HMCN1: variants seen among roughly 807,000 people sequenced by gnomAD.
HMCN1 encodes the protein hemicentin-1.
Under a neutral mutation model 625.9 loss-of-function variants are expected in HMCN1, and 321 were observed. The ratio of observed to expected loss-of-function variants is 0.51; its 90% CI spans 0.47 to 0.56. The LOEUF (loss-of-function observed/expected upper bound fraction) is 0.56. Ranked by LOEUF, HMCN1 falls within the 20% of genes least tolerant of loss-of-function variation. The pLI is 0.00. For missense variants in HMCN1, 6,588 were observed against 6,887.3 expected (o/e 0.96, Z 1.54); for synonymous variants, 2,425 against 2,417.6 (o/e 1.00, Z -0.09).
chr1:185,980,065 C>T (rs1159331126), intron 16 of HMCN1, among the ~76,000 whole-genome samples: 1 of 152,082 alleles, frequency 6.6e-6, no homozygotes, highest in African/African-American at 2.4e-5. Context: ...TTTGTAATAT[C>T]ATTTTATTAT....
intron 22 of HMCN1, among the ~76,000 whole-genome samples, chr1:185,990,731 A>G (rs960048312): frequency 6.6e-6 from 1 of 152,220 alleles, no homozygotes; most frequent in African/African-American, 2.4e-5. Flanking sequence ...TGTTAGCCCA[A>G]TGTGTAAGCA....
chr1:186,089,316 G>T (rs1403229111), intron 63 of HMCN1, among the ~76,000 whole-genome samples: 1 of 151,930 alleles, frequency 6.6e-6, no homozygotes, highest in Non-Finnish European at 1.5e-5. Flanking sequence ...ATTACATTTG[G>T]CTCAGTATTG....
At chr1:185,941,195 T>C (rs1186651559) in intron 11 of HMCN1, among the ~76,000 whole-genome samples, 2 of 152,174 alleles carry the variant, frequency 1.3e-5, no homozygotes, top group African/African-American at 2.4e-5. Flanking sequence ...TATTTAAAAA[T>C]GGTAAGTTCA....
At chr1:185,784,053 C>A (rs551336769) in intron 1 of HMCN1, among the ~76,000 whole-genome samples, 1 of 152,174 alleles carries the variant, frequency 6.6e-6, no homozygotes, top group Non-Finnish European at 1.5e-5. Flanking sequence ...TCAGCAATGG[C>A]GGTCGCCCCT....
chr1:186,123,916 A>G (rs1457987975), intron 81 of HMCN1, among the ~76,000 whole-genome samples: 1 of 152,056 alleles, frequency 6.6e-6, no homozygotes, highest in African/African-American at 2.4e-5. Flanking sequence ...TTTCAAGTGT[A>G]TTTTAATTTT....
chr1:185,743,997 T>G (rs1368590210), intron 1 of HMCN1, among the ~76,000 whole-genome samples: 2 of 142,970 alleles, frequency 1.4e-5, no homozygotes, highest in Non-Finnish European at 3.1e-5. Flanking sequence ...TTTTTTTTTT[T>G]TTTTTTTTTG....
chr1:186,130,890 A>G (rs560000066), intron 85 of HMCN1, among the ~76,000 whole-genome samples, 193 bp downstream of exon 85: 1 of 152,354 alleles, frequency 6.6e-6, no homozygotes, highest in East Asian at 1.9e-4. Flanking sequence ...GTGCAGTGAG[A>G]TAATGTGGCT....
At chr1:185,986,387 C>T (rs749816122) in intron 19 of HMCN1, among the ~76,000 whole-genome samples, 24 of 152,090 alleles carry the variant, frequency 1.6e-4, no homozygotes, top group Non-Finnish European at 2.9e-4. Context: ...CAGTTCCAGT[C>T]TCATCTTTCC....
intron 1 of HMCN1, among the ~76,000 whole-genome samples, chr1:185,758,997 T>C (rs1289318741): frequency 1.3e-5 from 2 of 152,210 alleles, no homozygotes; most frequent in Non-Finnish European, 2.9e-5. Flanking sequence ...CTTGGAACTA[T>C]ATTAATAGAT....
intron 25 of HMCN1, among the ~76,000 whole-genome samples, chr1:185,999,188 A>G (rs558968413): frequency 1.3e-5 from 2 of 152,026 alleles, no homozygotes; most frequent in Non-Finnish European, 2.9e-5. Context: ...CATTTAATAC[A>G]GGATTATTAA....
At position 186,076,292 on chromosome 1, in the gene HMCN1, G is replaced by C. The variant is rs1047998615; in HGVS notation, c.8291-136G>C. 3.4e-6 allele frequency: 3 copies of C among 871,048 alleles called. No individual in the cohort carries two copies. The African/African-American group carries it at 5.0e-5, about 15-fold the overall frequency. 54.0% of individuals were successfully genotyped at this position (871,048 alleles called of 1,614,324 possible). On this transcript the variant is annotated intron_variant, in intron 53 of 106. Coordinates refer to ENST00000271588, the MANE Select transcript of HMCN1 (RefSeq NM_031935.3). ...CTTTTTTGGCTAAGGGCTAGAGTTG[G>C]TGGTGGCGTCAGTACTTGAAATTAT...
intron 42 of HMCN1, among the ~76,000 whole-genome samples, chr1:186,049,623 AAACTTAT>A (rs1335510809): frequency 7.2e-5 from 11 of 152,062 alleles, no homozygotes; most frequent in Admixed American, 5.9e-4. Context: ...ATACTTTAAA[AAACTTAT>A]AACTTAATAA....
intron 71 of HMCN1, among the ~76,000 whole-genome samples, chr1:186,111,723 TA>T (rs1660897968): frequency 6.6e-6 from 1 of 152,210 alleles, no homozygotes; most frequent in Non-Finnish European, 1.5e-5. Context: ...AAAAATAAAA[TA>T]TTTTTTATAG....
intron 68 of HMCN1, among the ~76,000 whole-genome samples, chr1:186,098,188 C>A (rs561927801): frequency 6.6e-6 from 1 of 151,904 alleles, no homozygotes; most frequent in Admixed American, 6.6e-5. Context: ...GCAACAAAAG[C>A]AAAAATAGAC....
At chr1:185,910,619 G>A (rs1666359598) in intron 5 of HMCN1, among the ~76,000 whole-genome samples, 1 of 146,702 alleles carries the variant, frequency 6.8e-6, no homozygotes, top group Non-Finnish European at 1.5e-5. Context: ...CACCCAGGCT[G>A]AAGTGCAGTA....
chr1:186,190,135 C>A lies in HMCN1; in HGVS notation c.*257C>A. ...GAGCAGTTACTTCCCAAAGATTATT[C>A]TGAACATCTAACAGGACATATCAGT... On this transcript the variant is annotated 3_prime_UTR_variant, in exon 107 of 107. Coordinates refer to ENST00000271588, the MANE Select transcript of HMCN1 (RefSeq NM_031935.3). 1.9e-6 allele frequency: 1 copy of A among 528,578 alleles called. No individual in the cohort carries two copies. Among genetic ancestry groups the A allele is most frequent in the Non-Finnish European group, 3.4e-6 (1 of 292,042 alleles). The allele number at this position is 528,578 out of a possible 1,614,324, so 32.7% of individuals were successfully genotyped here. A position where few individuals can be genotyped will look rare whatever the true frequency, so the allele number is the denominator to read the frequency against.
At chr1:186,000,273 T>C (rs1653090410) in intron 26 of HMCN1, 34 bp downstream of exon 26, 1 of 1,486,382 alleles carries the variant, frequency 6.7e-7, no homozygotes, top group Non-Finnish European at 9.4e-7. Context: ...ACTGACTGTT[T>C]GCCAGTCTCC....
intron 45 of HMCN1, among the ~76,000 whole-genome samples, chr1:186,056,740 A>G (rs557047334): frequency 2.0e-5 from 3 of 152,060 alleles, no homozygotes; most frequent in South Asian, 2.1e-4. Context: ...ACTGGGGACT[A>G]CTGAAGGGGA....
At chr1:186,052,083 G>C (rs1401532780) in intron 42 of HMCN1, among the ~76,000 whole-genome samples, 1 of 151,732 alleles carries the variant, frequency 6.6e-6, no homozygotes, top group Non-Finnish European at 1.5e-5. Context: ...AAAAGTGTAA[G>C]AACACATATC....
Sources: gnomAD v4.1 joint callset for allele counts (sites outside exome capture counted in the v4.1 genomes callset) on GRCh38, gnomAD v4.1.1 for gene constraint, MANE v1.5 for transcripts, NCBI Gene and HGNC (gene_info 2026-07-23, HGNC 2026-07-21) for gene names.